The following AK4 variants were observed in gnomAD, a reference collection of about 807,000 sequenced individuals.
The protein encoded by AK4 is adenylate kinase 4, mitochondrial.
A neutral mutation model predicts 24.6 loss-of-function variants in AK4; 13 were observed. The ratio of observed to expected loss-of-function variants is 0.53; its 90% CI spans 0.34 to 0.84. The LOEUF (loss-of-function observed/expected upper bound fraction) is 0.84, where lower values mean the gene tolerates loss of function less well. Ranked by LOEUF, AK4 falls within the 40% of genes least tolerant of loss-of-function variation. The probability of loss-of-function intolerance (pLI) is 0.01; values close to 1 mark genes in which losing one functional copy is unlikely to be tolerated. For missense variants in AK4, 192 were observed against 288.2 expected (o/e 0.67, Z 2.42); for synonymous variants, 88 against 107.0 (o/e 0.82, Z 1.10).
At chr1:65,215,005 T>C (rs756724644) in intron 2 of AK4, among the ~76,000 whole-genome samples, 11 of 152,186 alleles carry the variant, frequency 7.2e-5, no homozygotes, top group Non-Finnish European at 1.5e-4. Context: ...ATACTTGCAC[T>C]GTTGCTGTCA....
chr1:65,168,063 C>A (rs1293097733), intron 1 of AK4, among the ~76,000 whole-genome samples: 2 of 151,888 alleles, frequency 1.3e-5, no homozygotes, highest in Admixed American at 6.6e-5. Context: ...CACCATGACC[C>A]TTTTAAACTG....
In AK4 at chr1:65,174,435, C is replaced by T. The variant is rs555359989; in HGVS notation, c.146-16275C>T. On this transcript the variant is annotated intron_variant, in intron 1 of 4. Coordinates refer to ENST00000327299, the MANE Select transcript of AK4 (RefSeq NM_013410.4). ...GAATTTCCCTTTGGCAAAGACAGATCCTCGAGTGTCAGGACTTATTATTAT... is the reference window on the plus strand; with the variant it reads ...GAATTTCCCTTTGGCAAAGACAGATTCTCGAGTGTCAGGACTTATTATTAT... Among the ~76,000 whole-genome samples, 118 of 152,100 alleles carry T rather than the reference C, an allele frequency of 7.8e-4. 2 individuals carry two copies. The highest frequency in any genetic ancestry group is 5.2e-3 in the Admixed American group (80 of 15,258).
chr1:65,189,294 T>C (rs1293775217), intron 1 of AK4, among the ~76,000 whole-genome samples: 1 of 150,754 alleles, frequency 6.6e-6, no homozygotes, highest in Non-Finnish European at 1.5e-5. Context: ...TCTCTTTTTT[T>C]TTTTTTTTTG....
intron 1 of AK4, among the ~76,000 whole-genome samples, chr1:65,180,832 A>C (rs190278806): frequency 6.6e-6 from 1 of 152,178 alleles, no homozygotes; most frequent in Non-Finnish European, 1.5e-5. Flanking sequence ...ACACGTGTGC[A>C]CTGCCATTAT....
At chr1:65,204,363 C>T (rs1366237519) in intron 2 of AK4, among the ~76,000 whole-genome samples, 2 of 152,050 alleles carry the variant, frequency 1.3e-5, no homozygotes, top group East Asian at 3.9e-4. Flanking sequence ...CCGTGACTGG[C>T]TAATTTTTTA....
intron 2 of AK4, among the ~76,000 whole-genome samples, chr1:65,203,667 G>C (rs571497921): frequency 1.3e-5 from 2 of 152,254 alleles, no homozygotes; most frequent in East Asian, 3.9e-4. Context: ...AGCCAGGCGT[G>C]GTGGTGTGCA....
At chr1:65,180,489 T>G (rs1650863126) in intron 1 of AK4, among the ~76,000 whole-genome samples, 1 of 152,238 alleles carries the variant, frequency 6.6e-6, no homozygotes, top group African/African-American at 2.4e-5. Flanking sequence ...ATGAGTCACT[T>G]AAGTGCCAAA....
intron 1 of AK4, among the ~76,000 whole-genome samples, chr1:65,169,023 A>G (rs997226681): frequency 1.3e-5 from 2 of 151,962 alleles, no homozygotes; most frequent in East Asian, 1.9e-4. Flanking sequence ...AAAAATAAAA[A>G]CAATTAGCCA....
intron 1 of AK4, among the ~76,000 whole-genome samples, chr1:65,188,944 A>T (rs1254497941): frequency 1.3e-5 from 2 of 148,368 alleles, no homozygotes; most frequent in Admixed American, 6.7e-5. Flanking sequence ...TTATTTTTTT[A>T]TTTTTATTTT....
intron 1 of AK4, among the ~76,000 whole-genome samples, chr1:65,190,159 T>C (rs186127079): frequency 1.8e-4 from 27 of 152,348 alleles, no homozygotes; most frequent in African/African-American, 6.5e-4. Context: ...TCAGCTTTTT[T>C]ATGTACCATC....
At chr1:65,198,734 A>G (rs1651564738) in intron 2 of AK4, among the ~76,000 whole-genome samples, 1 of 149,652 alleles carries the variant, frequency 6.7e-6, no homozygotes, top group South Asian at 2.1e-4. Flanking sequence ...GCCCCAAGAC[A>G]ATGTAAATAT....
intron 2 of AK4, among the ~76,000 whole-genome samples, chr1:65,206,503 C>CT (rs1274040531): frequency 6.6e-6 from 1 of 152,252 alleles, no homozygotes; most frequent in East Asian, 1.9e-4. Flanking sequence ...AATCCCAGCA[C>CT]TTTGAGAGGC....
chr1:65,149,878 GC>G (rs1479629297), intron 1 of AK4, among the ~76,000 whole-genome samples: 13 of 152,110 alleles, frequency 8.5e-5, no homozygotes, highest in African/African-American at 2.7e-4. Flanking sequence ...ACATTCACAT[GC>G]ATTTTATTCT....
intron 1 of AK4, among the ~76,000 whole-genome samples, chr1:65,172,887 A>G (rs1455198080): frequency 8.2e-6 from 1 of 122,458 alleles, no homozygotes; most frequent in East Asian, 2.4e-4. Context: ...TTTTGATACG[A>G]ACTCTCGCTC....
In AK4 at chr1:65,172,855, A is replaced by ATTTTTTT. The variant is rs11408059; in HGVS notation, c.146-17836_146-17830dup. ...TCTGGGCCATCTTGGCCAGCAAGAG[A>ATTTTTTT]TTTTTTTTTTTTTTTTTTTTTTTTT... On this transcript the variant is annotated intron_variant, in intron 1 of 4. Transcript: ENST00000327299. Among the ~76,000 whole-genome samples, 27 of 110,918 alleles carry ATTTTTTT rather than the reference A, an allele frequency of 2.4e-4. 1 individual carries two copies. The highest frequency in any genetic ancestry group is 4.6e-4 in the African/African-American group (12 of 26,038). 72.8% of individuals were successfully genotyped at this position (110,918 alleles called of 152,430 possible).
chr1:65,163,397 A>C (rs1650232355), intron 1 of AK4, among the ~76,000 whole-genome samples: 1 of 152,214 alleles, frequency 6.6e-6, no homozygotes, highest in East Asian at 1.9e-4. Context: ...ATTTATAGAC[A>C]AAAAAAGAGA....
chr1:65,163,305 A>G (rs1650229330), intron 1 of AK4, among the ~76,000 whole-genome samples: 2 of 152,270 alleles, frequency 1.3e-5, no homozygotes, highest in South Asian at 4.1e-4. Flanking sequence ...TTAATTGAGC[A>G]ATGAATGATT....
chr1:65,155,976 A>G (rs563471041), intron 1 of AK4, among the ~76,000 whole-genome samples: 1 of 152,138 alleles, frequency 6.6e-6, no homozygotes, highest in South Asian at 2.1e-4. Flanking sequence ...ACACACACAC[A>G]TAGATTTTGA....
chr1:65,230,495 G>T lies in AK4; in HGVS notation c.*4318G>T, dbSNP rs1456708971. On this transcript the variant is annotated 3_prime_UTR_variant, in exon 5 of 5. Coordinates refer to ENST00000327299, the MANE Select transcript of AK4 (RefSeq NM_013410.4). ...AAGTGTGTTCAGGTATAGGCACTAG[G>T]TACTGTCTGTTTACTTCATGTTAGG... 3.3e-5 allele frequency: 5 copies of T among 152,130 alleles called. No homozygotes were observed. The East Asian group carries it at 9.6e-4, about 29-fold the overall frequency. 9.4% of individuals were successfully genotyped at this position (152,130 alleles called of 1,614,324 possible).
Sources: gnomAD v4.1 joint callset for allele counts (sites outside exome capture counted in the v4.1 genomes callset) on GRCh38, gnomAD v4.1.1 for gene constraint, MANE v1.5 for transcripts, NCBI Gene and HGNC (gene_info 2026-07-23, HGNC 2026-07-21) for gene names.